The following OPALIN variants were observed in gnomAD, a reference collection of about 807,000 sequenced individuals.
The protein encoded by OPALIN is transmembrane protein 10.
OPALIN carries 15 observed loss-of-function variants against 17.8 expected under a neutral mutation model. That is an observed-to-expected ratio of 0.84 (90% CI 0.56 to 1.29). The LOEUF (loss-of-function observed/expected upper bound fraction) is 1.29, where lower values mean the gene tolerates loss of function less well. Among genes scored for constraint, OPALIN ranks in the 50% most tolerant of loss-of-function variants. The probability of loss-of-function intolerance (pLI) is 0.00; values close to 1 mark genes in which losing one functional copy is unlikely to be tolerated. For missense variants in OPALIN, 170 were observed against 176.0 expected (o/e 0.97, Z 0.19); for synonymous variants, 62 against 63.8 (o/e 0.97, Z 0.14).
chr10:96,355,927 T>A (rs1923702), intron 1 of OPALIN, among the ~76,000 whole-genome samples: 2 of 152,092 alleles, frequency 1.3e-5, no homozygotes, highest in African/African-American at 4.8e-5. Flanking sequence ...AATTTAAAGA[T>A]CGTGGGCTCA....
rs375795587 is a variant in OPALIN, at chr10:96,357,051, G to A, written c.4-1761C>T. 51 of 985,498 alleles carry A rather than the reference G, an allele frequency of 5.2e-5. No homozygotes were observed. In the Middle Eastern group the frequency reaches 1.6e-3, roughly 30 times the overall value. 61.0% of individuals were successfully genotyped at this position (985,498 alleles called of 1,614,324 possible). A position where few individuals can be genotyped will look rare whatever the true frequency, so the allele number is the denominator to read the frequency against. ...TGGGATGACGGTGGAACACAGGGACGTCTGGGCCTCTTAGGTCAGGGTCCT... is the reference window on the plus strand; with the variant it reads ...TGGGATGACGGTGGAACACAGGGACATCTGGGCCTCTTAGGTCAGGGTCCT... On this transcript the variant is annotated intron_variant, in intron 1 of 5. Transcript: ENST00000371172.
chr10:96,357,343 A>G (rs1287275310), intron 1 of OPALIN, among the ~76,000 whole-genome samples: 1 of 152,218 alleles, frequency 6.6e-6, no homozygotes, highest in Non-Finnish European at 1.5e-5. Context: ...AAAGACACTC[A>G]TATTTTGTAG....
intron 1 of OPALIN, among the ~76,000 whole-genome samples, chr10:96,356,684 A>C (rs1048826579): frequency 3.9e-5 from 6 of 152,254 alleles, no homozygotes; most frequent in African/African-American, 1.4e-4. Flanking sequence ...TTTGTGAACC[A>C]GAAGTGTTTT....
At chr10:96,358,848 T>G in intron 1 of OPALIN, 46 bp downstream of exon 1, 1 of 1,605,110 alleles carries the variant, frequency 6.2e-7, no homozygotes, top group Non-Finnish European at 8.5e-7. Context: ...TTTTTTATAG[T>G]AAGAAATGAA....
rs140973738 is a variant in OPALIN at position 96,345,579 on chromosome 10, T to C, written c.*362A>G. 4.7e-3 allele frequency: 864 copies of C among 182,422 alleles called. 7 individuals are homozygous for C. Among genetic ancestry groups the C allele is most frequent in the African/African-American group, 0.018 (776 of 42,662 alleles). 11.3% of individuals were successfully genotyped at this position (182,422 alleles called of 1,614,324 possible). ...CAGCAACACTTCCATGAAAGTCAGATCTGATGGCTTTTTTGAGAAAAAGGA... is the reference window on the plus strand; with the variant it reads ...CAGCAACACTTCCATGAAAGTCAGACCTGATGGCTTTTTTGAGAAAAAGGA... On this transcript the variant is annotated 3_prime_UTR_variant, in exon 6 of 6. Coordinates refer to ENST00000371172, the MANE Select transcript of OPALIN (RefSeq NM_033207.5).
In OPALIN at chr10:96,346,759, A is replaced by G. The variant is rs192345595; in HGVS notation, c.250-642T>C. ...CATTGTTTGACATCGTTATGTTATTAACACTTTCTATCCAGGAGCATAGTA... is the reference window on the plus strand; with the variant it reads ...CATTGTTTGACATCGTTATGTTATTGACACTTTCTATCCAGGAGCATAGTA... On this transcript the variant is annotated intron_variant, in intron 5 of 5. Coordinates refer to ENST00000371172, the MANE Select transcript of OPALIN (RefSeq NM_033207.5). Among the ~76,000 whole-genome samples the G allele has an allele frequency of 1.5e-4, 23 of 152,326 alleles. No homozygotes were observed. In the East Asian group the frequency reaches 4.2e-3, roughly 28 times the overall value.
intron 2 of OPALIN, chr10:96,353,607 G>A (rs1340191374): frequency 6.3e-6 from 1 of 157,926 alleles, no homozygotes; most frequent in Non-Finnish European, 1.4e-5. Context: ...AAAGGGTGAT[G>A]ACTGGCCACA....
Position 96,348,345 on chromosome 10 carries a change from C to T in OPALIN, c.193G>A (p.Glu65Lys). 6.8e-7 allele frequency: 1 copy of T among 1,473,718 alleles called. No homozygotes were observed. The highest frequency in any genetic ancestry group is 9.4e-7 in the Non-Finnish European group (1 of 1,060,628). The allele number at this position is 1,473,718 out of a possible 1,614,324, so 91.3% of individuals were successfully genotyped here. A position where few individuals can be genotyped will look rare whatever the true frequency, so the allele number is the denominator to read the frequency against. Residue 65 changes from glutamate to lysine, a missense_variant and splice_region_variant, in exon 5 of 6, where the codon GAA (glutamate) becomes AAA (lysine). Transcript: ENST00000371172. ...GAAATTTCACATGGTCTGTCACTTT[C>T]CTAAATTGGAAAAAATATAATAATA... Reference protein sequence around the residue: ...RRRSSIEAMEESDRPCEISEI... With the variant: ...RRRSSIEAMEKSDRPCEISEI...
intron 2 of OPALIN, among the ~76,000 whole-genome samples, 130 bp downstream of exon 2, chr10:96,355,096 CAAAAAAAAAAAAAAAAAAAAAAAAAAAAA>C (rs56995726): frequency 2.2e-5 from 1 of 45,174 alleles, no homozygotes; most frequent in Non-Finnish European, 3.7e-5. Context: ...GACCTTGTCT[CAAAAAAAAAAAAAAAAAAAAAAAAAAAAA>C]AAAAAAAAAA....
Position 96,345,648 on chromosome 10 carries a change from C to G in OPALIN, c.*293G>C, listed in dbSNP as rs540300509. ...GAAGGCAAGACACTCAGAAACCAAG[C>G]CCCTTTCCCAAAATGACAAAGAAAA... On this transcript the variant is annotated 3_prime_UTR_variant, in exon 6 of 6. Coordinates refer to ENST00000371172, the MANE Select transcript of OPALIN (RefSeq NM_033207.5). 6 of 314,212 alleles carry G rather than the reference C, an allele frequency of 1.9e-5. No individual in the cohort carries two copies. The highest frequency in any genetic ancestry group is 2.3e-5 in the Non-Finnish European group (4 of 173,074). 19.5% of individuals were successfully genotyped at this position (314,212 alleles called of 1,614,324 possible).
chr10:96,354,331 T>C (rs1173730622), intron 2 of OPALIN, among the ~76,000 whole-genome samples: 1 of 152,204 alleles, frequency 6.6e-6, no homozygotes, highest in Non-Finnish European at 1.5e-5. Flanking sequence ...AGCCATAAAA[T>C]GTTCATTCTT....
chr10:96,355,927 T>G (rs1923702), intron 1 of OPALIN, among the ~76,000 whole-genome samples: 121,938 of 152,184 alleles, frequency 0.8, 49,366 homozygotes, highest in Middle Eastern at 0.88. Flanking sequence ...AATTTAAAGA[T>G]CGTGGGCTCA....
At chr10:96,353,260 A>G (rs559762551) in intron 2 of OPALIN, among the ~76,000 whole-genome samples, 85 of 152,262 alleles carry the variant, frequency 5.6e-4, no homozygotes, top group Non-Finnish European at 8.4e-4. Flanking sequence ...AATAGACTGA[A>G]CCTGGCATTT....
chr10:96,350,654 T>C (rs1845541437), intron 3 of OPALIN, among the ~76,000 whole-genome samples: 1 of 152,234 alleles, frequency 6.6e-6, no homozygotes, highest in African/African-American at 2.4e-5. Context: ...CCCTAGAACT[T>C]AAAGTATAAT....
chr10:96,354,360 A>G (rs1456218347), intron 2 of OPALIN, among the ~76,000 whole-genome samples: 1 of 152,238 alleles, frequency 6.6e-6, no homozygotes, highest in Non-Finnish European at 1.5e-5. Context: ...AATCATTCCC[A>G]TTTTAGAATA....
At chr10:96,351,144 A>C (rs1667479449) in intron 3 of OPALIN, among the ~76,000 whole-genome samples, 2 of 152,212 alleles carry the variant, frequency 1.3e-5, no homozygotes, top group African/African-American at 4.8e-5. Context: ...AGATGCAAAT[A>C]TAAGATATGC....
chr10:96,351,859 C>T (rs1396071327), intron 2 of OPALIN, among the ~76,000 whole-genome samples: 1 of 152,178 alleles, frequency 6.6e-6, no homozygotes, highest in Non-Finnish European at 1.5e-5. Flanking sequence ...ATCCATGCTC[C>T]TGGGGATAAT....
intron 2 of OPALIN, 128 bp from the exon 3 acceptor site, chr10:96,351,538 C>G (rs1274200814): frequency 1.9e-6 from 1 of 516,926 alleles, no homozygotes; most frequent in East Asian, 3.3e-5. Flanking sequence ...TTTCTGTTAA[C>G]AACTACCAAA....
intron 5 of OPALIN, among the ~76,000 whole-genome samples, chr10:96,346,775 G>A (rs995031149): frequency 1.8e-4 from 28 of 151,978 alleles, no homozygotes; most frequent in African/African-American, 6.3e-4. Flanking sequence ...TTCTATCCAG[G>A]AGCATAGTAT....
Sources: allele counts gnomAD v4.1 joint callset (sites outside exome capture counted in the v4.1 genomes callset), GRCh38; gene constraint gnomAD v4.1.1; transcripts MANE v1.5; gene names NCBI Gene and HGNC (gene_info 2026-07-23, HGNC 2026-07-21).